The following CHCHD3 variants were observed in gnomAD, a reference collection of about 807,000 sequenced individuals.
The protein encoded by CHCHD3 is coiled-coil-helix-coiled-coil-helix domain containing 3, also known as MICOS complex subunit MIC19.
Under a neutral mutation model 38.2 loss-of-function variants are expected in CHCHD3, and 20 were observed. The ratio of observed to expected loss-of-function variants is 0.52; its 90% CI spans 0.37 to 0.76. CHCHD3 has a LOEUF of 0.76. Ranked by LOEUF, CHCHD3 falls within the 30% of genes least tolerant of loss-of-function variation. The pLI, the probability that CHCHD3 is intolerant of heterozygous loss-of-function variation, is 0.00. For synonymous variants in CHCHD3, 82 were observed against 100.0 expected, an observed-to-expected ratio of 0.82 and a Z score of 1.07; for missense variants, 245 against 279.2, an observed-to-expected ratio of 0.88 and a Z score of 0.87.
chr7:132,804,952 CG>C (rs1289331272), intron 6 of CHCHD3, among the ~76,000 whole-genome samples: 1 of 152,052 alleles, frequency 6.6e-6, no homozygotes, highest in African/African-American at 2.4e-5. Context: ...CCATCCCTAT[CG>C]GTTACTTGAA....
intron 4 of CHCHD3, among the ~76,000 whole-genome samples, chr7:132,898,224 C>T (rs940501905): frequency 2.0e-5 from 3 of 152,158 alleles, no homozygotes; most frequent in Non-Finnish European, 2.9e-5. Flanking sequence ...GAAAGGGACC[C>T]GAGCGGGTTG....
chr7:132,903,584 CCAACAACAA>C (rs901204354), intron 4 of CHCHD3, among the ~76,000 whole-genome samples: 1 of 151,986 alleles, frequency 6.6e-6, no homozygotes, highest in Non-Finnish European at 1.5e-5. Context: ...AGGTTTGAAC[CCAACAACAA>C]CAACAACAAC....
intron 4 of CHCHD3, among the ~76,000 whole-genome samples, chr7:132,915,387 C>A (rs905478411): frequency 6.6e-6 from 1 of 152,136 alleles, no homozygotes; most frequent in African/African-American, 2.4e-5. Context: ...ATGTGGAGGG[C>A]AGATGAGGAT....
rs115482016 is a variant in CHCHD3 at position 132,793,438 on chromosome 7, T to C, written c.660+3004A>G. On this transcript the variant is annotated intron_variant, in intron 7 of 7. Transcript: ENST00000262570. The stretch of plus-strand genomic sequence containing the variant: ...TCTTAGAAATAATAATTAGAGCTAT[T>C]TAATATCTCTTTACCCTCATGAAGA... Among the ~76,000 whole-genome samples, 787 of 152,302 alleles carry C rather than the reference T, an allele frequency of 5.2e-3. 8 individuals carry two copies. The highest frequency in any genetic ancestry group is 0.018 in the African/African-American group (759 of 41,564).
chr7:132,861,034 G>C (rs1389089475), intron 5 of CHCHD3, among the ~76,000 whole-genome samples: 5 of 152,214 alleles, frequency 3.3e-5, no homozygotes, highest in Non-Finnish European at 5.9e-5. Context: ...GTTCAGCTAA[G>C]AGAGATGGAG....
In CHCHD3 at chr7:132,975,382, C is replaced by T. The variant is rs916453588; in HGVS notation, c.252-96G>A. ...ATAATTTAAAAATAGAAACACATAGCCAAAAAGGTCAACAGCTGAAATCAT... is the reference window on the plus strand; with the variant it reads ...ATAATTTAAAAATAGAAACACATAGTCAAAAAGGTCAACAGCTGAAATCAT... On this transcript the variant is annotated intron_variant, in intron 3 of 7. Coordinates refer to ENST00000262570, the MANE Select transcript of CHCHD3 (RefSeq NM_017812.4). 13 of 1,028,454 alleles carry T rather than the reference C, an allele frequency of 1.3e-5. No individual in the cohort carries two copies. The Admixed American group carries it at 1.3e-4, about 10-fold the overall frequency. 63.7% of individuals were successfully genotyped at this position (1,028,454 alleles called of 1,614,324 possible).
At chr7:132,918,355 C>T (rs1197482512) in intron 4 of CHCHD3, among the ~76,000 whole-genome samples, 1 of 152,168 alleles carries the variant, frequency 6.6e-6, no homozygotes, top group Non-Finnish European at 1.5e-5. Flanking sequence ...GGACCCTCCT[C>T]AATGGGCTGC....
At chr7:133,000,422 A>G (rs1466762836) in intron 3 of CHCHD3, among the ~76,000 whole-genome samples, 11 of 152,156 alleles carry the variant, frequency 7.2e-5, no homozygotes, top group African/African-American at 2.7e-4. Context: ...TCTCTATTAA[A>G]TTAAGGTGAC....
intron 3 of CHCHD3, among the ~76,000 whole-genome samples, chr7:132,993,055 A>G (rs1456755834): frequency 2.0e-5 from 3 of 152,182 alleles, no homozygotes; most frequent in African/African-American, 7.2e-5. Context: ...AGAAAAGCCT[A>G]AACCCAGGCT....
At chr7:132,909,644 G>A (rs902189560) in intron 4 of CHCHD3, among the ~76,000 whole-genome samples, 2 of 152,198 alleles carry the variant, frequency 1.3e-5, no homozygotes, top group African/African-American at 2.4e-5. Context: ...CAACTTCACA[G>A]TGGAGCACAA....
At chr7:132,851,868 A>G (rs1459492817) in intron 5 of CHCHD3, among the ~76,000 whole-genome samples, 1 of 152,154 alleles carries the variant, frequency 6.6e-6, no homozygotes, top group Non-Finnish European at 1.5e-5. Flanking sequence ...TTGCCAACAC[A>G]TCTCAGGCTT....
At chr7:133,078,613 G>A (rs937758005) in intron 1 of CHCHD3, among the ~76,000 whole-genome samples, 6 of 152,174 alleles carry the variant, frequency 3.9e-5, no homozygotes, top group East Asian at 1.9e-4. Context: ...GGTTTACAAC[G>A]GATTTTGCTG....
At chr7:132,872,871 C>T (rs1341331037) in intron 5 of CHCHD3, among the ~76,000 whole-genome samples, 1 of 151,838 alleles carries the variant, frequency 6.6e-6, no homozygotes, top group Non-Finnish European at 1.5e-5. Context: ...TTAGGGAGGC[C>T]GAGGCAGGTA....
intron 5 of CHCHD3, among the ~76,000 whole-genome samples, chr7:132,865,314 T>C (rs1379390941): frequency 6.6e-6 from 1 of 152,160 alleles, no homozygotes; most frequent in East Asian, 1.9e-4. Flanking sequence ...TTTTCCTGTT[T>C]TAATCATGGG....
chr7:132,961,678 T>A (rs924552134), intron 4 of CHCHD3, among the ~76,000 whole-genome samples: 2 of 152,222 alleles, frequency 1.3e-5, no homozygotes, highest in African/African-American at 4.8e-5. Flanking sequence ...AGAGTATTAT[T>A]AAAAATACTG....
chr7:132,926,027 T>C (rs1048906490), intron 4 of CHCHD3, among the ~76,000 whole-genome samples: 4 of 152,092 alleles, frequency 2.6e-5, no homozygotes, highest in African/African-American at 9.7e-5. Flanking sequence ...AGGCAGACTA[T>C]GAGGATGAGC....
intron 7 of CHCHD3, among the ~76,000 whole-genome samples, chr7:132,792,595 C>G (rs1405256708): frequency 1.3e-5 from 2 of 152,174 alleles, no homozygotes; most frequent in Non-Finnish European, 2.9e-5. Context: ...CTGCTTGTAC[C>G]AAATAGGCCA....
intron 1 of CHCHD3, among the ~76,000 whole-genome samples, chr7:133,078,954 T>C (rs986228847): frequency 1.3e-5 from 2 of 152,148 alleles, no homozygotes; most frequent in South Asian, 2.1e-4. Flanking sequence ...CTAAAAACAA[T>C]GGCTTATGGA....
chr7:132,805,766 C>T (rs1040567357), intron 6 of CHCHD3, among the ~76,000 whole-genome samples: 22 of 152,086 alleles, frequency 1.4e-4, no homozygotes, highest in African/African-American at 3.4e-4. Flanking sequence ...GAGAATGATC[C>T]GGCAAGAATG....
Sources: gnomAD v4.1 joint callset for allele counts (sites outside exome capture counted in the v4.1 genomes callset) on GRCh38, gnomAD v4.1.1 for gene constraint, MANE v1.5 for transcripts, NCBI Gene and HGNC (gene_info 2026-07-23, HGNC 2026-07-21) for gene names.